Variants in RNF115 observed in about 807,000 individuals in gnomAD.
The protein encoded by RNF115 is ring finger protein 115.
RNF115 carries 31 observed loss-of-function variants against 39.2 expected under a neutral mutation model. The ratio of observed to expected loss-of-function variants is 0.79; its 90% CI spans 0.59 to 1.07. The LOEUF is 1.07. Among genes scored for constraint, RNF115 ranks in the 50% least tolerant of loss-of-function variants. The pLI, the probability that RNF115 is intolerant of heterozygous loss-of-function variation, is 0.00. For synonymous variants in RNF115, 124 were observed against 131.0 expected (o/e 0.95, Z 0.37); for missense variants, 384 against 381.7 (o/e 1.01, Z -0.05).
intron 4 of RNF115, among the ~76,000 whole-genome samples, chr1:145,769,365 T>C (rs1179596132): frequency 6.6e-6 from 1 of 152,208 alleles, no homozygotes; most frequent in African/African-American, 2.4e-5. Flanking sequence ...TAGCTATTAT[T>C]ACTATTAATT....
rs868961404 is a variant in RNF115 at position 145,762,813 on chromosome 1, T to C, written c.428+8898A>G. ...TCTCTAGGTGGGAAATCTTAAAACA[T>C]ATTCTTTACATAGCCATAAAAAAGA... On this transcript the variant is annotated intron_variant, in intron 4 of 8. Transcript: ENST00000582693. Among the ~76,000 whole-genome samples the C allele has an allele frequency of 5.3e-5, 8 of 152,176 alleles. No individual in the cohort carries two copies. In the South Asian group the frequency reaches 1.0e-3, roughly 20 times the overall value.
intron 1 of RNF115, among the ~76,000 whole-genome samples, chr1:145,793,878 C>A (rs1281443880): frequency 6.8e-6 from 1 of 146,642 alleles, no homozygotes; most frequent in Non-Finnish European, 1.5e-5. Flanking sequence ...AAGTCTCGCT[C>A]TGTCACTCAG....
intron 7 of RNF115, 111 bp downstream of exon 7, chr1:145,750,296 T>C (rs948602159): frequency 1.2e-6 from 1 of 855,782 alleles, no homozygotes; most frequent in Non-Finnish European, 1.8e-6. Context: ...TTTTTTCTTA[T>C]TTTTTTGTCT....
Position 145,740,328 on chromosome 1 carries a change from C to T in RNF115, c.*6538G>A, listed in dbSNP as rs1657651939. On this transcript the variant is annotated 3_prime_UTR_variant, in exon 9 of 9. Transcript: ENST00000582693. ...ACATCACTGCCCAAGTTTATGAAGA[C>T]ATTTAAGAGCATCAGATTACTAGCT... is the stretch of plus-strand genomic sequence containing the variant. 6.6e-6 allele frequency: 1 copy of T among 152,184 alleles called. No homozygotes were observed. The highest frequency in any genetic ancestry group is 2.4e-5 in the African/African-American group (1 of 41,446). The allele number at this position is 152,184 out of a possible 1,614,324, so 9.4% of individuals were successfully genotyped here. A position where few individuals can be genotyped will look rare whatever the true frequency, so the allele number is the denominator to read the frequency against.
intron 1 of RNF115, among the ~76,000 whole-genome samples, chr1:145,790,582 G>C (rs1648617170): frequency 6.6e-6 from 1 of 150,396 alleles, no homozygotes; most frequent in Admixed American, 6.6e-5. Context: ...ATAGGCACCT[G>C]CCACCATGCC....
At chr1:145,796,975 A>C (rs1248696167) in intron 1 of RNF115, among the ~76,000 whole-genome samples, 1 of 152,166 alleles carries the variant, frequency 6.6e-6, no homozygotes, top group Non-Finnish European at 1.5e-5. Flanking sequence ...AAACTTGAAA[A>C]AGTTACATTT....
At chr1:145,779,328 C>T (rs1240770995) in intron 3 of RNF115, among the ~76,000 whole-genome samples, 1 of 152,056 alleles carries the variant, frequency 6.6e-6, no homozygotes, top group Non-Finnish European at 1.5e-5. Context: ...ACATATGCCA[C>T]TACACCTGGC....
chr1:145,777,527 A>G (rs587723375), intron 3 of RNF115, among the ~76,000 whole-genome samples: 2 of 152,274 alleles, frequency 1.3e-5, no homozygotes, highest in African/African-American at 4.8e-5. Context: ...GGAAAAGCAC[A>G]CCTCACAAAT....
chr1:145,791,504 C>T (rs587695168), intron 1 of RNF115, among the ~76,000 whole-genome samples: 2 of 148,234 alleles, frequency 1.3e-5, no homozygotes, highest in East Asian at 1.9e-4. Context: ...AAGAGCGAAA[C>T]TCCACCTCAA....
chr1:145,802,777 A>C (rs1173911544), intron 1 of RNF115, among the ~76,000 whole-genome samples: 1 of 152,214 alleles, frequency 6.6e-6, no homozygotes, highest in Non-Finnish European at 1.5e-5. Context: ...ATGGCAAGAC[A>C]GTCAGAAATT....
At position 145,794,502 on chromosome 1, in the gene RNF115, CTTTTTTTTTTTTTTT is replaced by C. The variant is rs57242475; in HGVS notation, c.103-5551_103-5537del. ...ATGGCAAGGGGCATCTAATCTCTTT[CTTTTTTTTTTTTTTT>C]TTTTTTTTTTGAGACAGAGTCTCAC... On this transcript the variant is annotated intron_variant, in intron 1 of 8. Coordinates refer to ENST00000582693, the MANE Select transcript of RNF115 (RefSeq NM_014455.4). Among the ~76,000 whole-genome samples the C allele has an allele frequency of 7.4e-5, 6 of 81,118 alleles. No homozygotes were observed. In the East Asian group the frequency reaches 1.4e-3, roughly 19 times the overall value. 53.2% of individuals were successfully genotyped at this position (81,118 alleles called of 152,430 possible).
intron 1 of RNF115, among the ~76,000 whole-genome samples, chr1:145,796,062 G>A (rs1648963170): frequency 6.6e-6 from 1 of 152,078 alleles, no homozygotes; most frequent in South Asian, 2.1e-4. Flanking sequence ...TCTTTAATCT[G>A]CCTCTTAGAT....
At chr1:145,760,980 T>A (rs1553713763) in intron 4 of RNF115, among the ~76,000 whole-genome samples, 1 of 152,202 alleles carries the variant, frequency 6.6e-6, no homozygotes, top group African/African-American at 2.4e-5. Flanking sequence ...TGTTGGGAAC[T>A]GGAGCAAAGA....
intron 1 of RNF115, among the ~76,000 whole-genome samples, chr1:145,819,548 AC>A (rs1230746559): frequency 5.3e-5 from 8 of 152,322 alleles, no homozygotes; most frequent in Non-Finnish European, 1.2e-4. Flanking sequence ...AAGAGCTTGT[AC>A]CAATCCTACT....
chr1:145,792,548 C>G (rs1392071831), intron 1 of RNF115, among the ~76,000 whole-genome samples: 3 of 151,914 alleles, frequency 2.0e-5, no homozygotes, highest in Admixed American at 6.6e-5. Flanking sequence ...CTTGAGGAGA[C>G]AGTCAAACCA....
intron 1 of RNF115, among the ~76,000 whole-genome samples, chr1:145,799,130 C>T (rs1649113178): frequency 6.6e-6 from 1 of 150,946 alleles, no homozygotes; most frequent in Admixed American, 6.6e-5. Flanking sequence ...TGCAGTGGCG[C>T]AATCTCGGCT....
chr1:145,810,923 C>T (rs1399190720), intron 1 of RNF115, among the ~76,000 whole-genome samples: 5 of 149,104 alleles, frequency 3.4e-5, no homozygotes, highest in Non-Finnish European at 5.9e-5. Context: ...TGGAGTGCAG[C>T]GGTGTGATCA....
At chr1:145,778,289 GA>G (rs1275527287) in intron 3 of RNF115, among the ~76,000 whole-genome samples, 1 of 152,166 alleles carries the variant, frequency 6.6e-6, no homozygotes, top group African/African-American at 2.4e-5. Flanking sequence ...CAAATCCATA[GA>G]GACAGAAAAT....
At chr1:145,802,378 T>C (rs1559128218) in intron 1 of RNF115, among the ~76,000 whole-genome samples, 1 of 152,192 alleles carries the variant, frequency 6.6e-6, no homozygotes, top group Non-Finnish European at 1.5e-5. Context: ...AAGGGTGGTT[T>C]TAATGCATTA....
Sources: allele counts gnomAD v4.1 joint callset (sites outside exome capture counted in the v4.1 genomes callset), GRCh38; gene constraint gnomAD v4.1.1; transcripts MANE v1.5; gene names NCBI Gene and HGNC (gene_info 2026-07-23, HGNC 2026-07-21).